The following NOX4 variants were observed in gnomAD, a reference collection of about 807,000 sequenced individuals.
The protein encoded by NOX4 is NADPH oxidase 4, also known as kidney oxidase-1.
NOX4 carries 69 observed loss-of-function variants against 87.6 expected under a neutral mutation model. The ratio of observed to expected loss-of-function variants is 0.79; its 90% confidence interval spans 0.65 to 0.96. The LOEUF is 0.96. Ranked by LOEUF, NOX4 falls within the 40% of genes least tolerant of loss-of-function variation. The probability of loss-of-function intolerance (pLI) is 0.00; values close to 1 mark genes in which losing one functional copy is unlikely to be tolerated. For missense variants in NOX4, 680 were observed against 681.5 expected, an observed-to-expected ratio of 1.00 and a Z score of 0.02; for synonymous variants, 275 against 238.2, an observed-to-expected ratio of 1.15 and a Z score of -1.42.
At chr11:89,400,175 G>C (rs1037200065) in intron 10 of NOX4, 40 bp downstream of exon 10, 1 of 1,598,102 alleles carries the variant, frequency 6.3e-7, no homozygotes, top group Non-Finnish European at 8.5e-7. Context: ...AATTACATAA[G>C]GATAAAGGCT....
chr11:89,433,886 A>C (rs910410200), intron 6 of NOX4, among the ~76,000 whole-genome samples: 1 of 152,090 alleles, frequency 6.6e-6, no homozygotes, highest in Non-Finnish European at 1.5e-5. Context: ...AATATCCTAA[A>C]CAGCTAAAGT....
At chr11:89,491,886 C>G (rs988933966), upstream of NOX4, among the ~76,000 whole-genome samples, 5 of 151,990 alleles carry the variant, frequency 3.3e-5, no homozygotes, top group African/African-American at 1.2e-4. Flanking sequence ...TTTCTCCCAC[C>G]CTTCCTCAGC....
the NOX4 span, chr11:89,545,864 T>C: frequency 1.3e-5 from 2 of 152,174 alleles, no homozygotes; most frequent in Non-Finnish European, 2.9e-5. Context: ...ACTTCGGAGT[T>C]TGACCCCACA....
chr11:89,354,748 G>C (rs1183167216), intron 13 of NOX4, among the ~76,000 whole-genome samples: 3 of 152,186 alleles, frequency 2.0e-5, no homozygotes, highest in African/African-American at 7.2e-5. Flanking sequence ...CTCAGTCAAA[G>C]CTGGGTTGCA....
intron 8 of NOX4, among the ~76,000 whole-genome samples, chr11:89,414,663 A>G (rs570781638): frequency 2.0e-5 from 3 of 149,944 alleles, no homozygotes; most frequent in Non-Finnish European, 3.0e-5. Flanking sequence ...ATTATATTAT[A>G]GAGTTATCAT....
chr11:89,397,969 G>C (rs10830268), intron 11 of NOX4, among the ~76,000 whole-genome samples: 14,330 of 151,824 alleles, frequency 0.094, 817 homozygotes, highest in South Asian at 0.19. Context: ...CATTTTATGA[G>C]GCCAGCACCA....
chr11:89,570,477 T>C, the NOX4 span, among the ~76,000 whole-genome samples: 84 of 152,252 alleles, frequency 5.5e-4, no homozygotes, highest in Non-Finnish European at 1.3e-4. Flanking sequence ...CAAACCTGTA[T>C]ATGTACCCCT....
At chr11:89,420,915 C>A (rs1443274656) in intron 8 of NOX4, among the ~76,000 whole-genome samples, 2 of 152,118 alleles carry the variant, frequency 1.3e-5, no homozygotes, top group Non-Finnish European at 2.9e-5. Context: ...ACAGTGTGTT[C>A]TTGATCCCAA....
chr11:89,452,075 C>A (rs184639800), intron 2 of NOX4, among the ~76,000 whole-genome samples, 180 bp from the exon 3 acceptor site: 108 of 152,332 alleles, frequency 7.1e-4, no homozygotes, highest in African/African-American at 2.1e-3. Flanking sequence ...TGAACGACTT[C>A]TTTCTGTTCT....
chr11:89,535,938 G>A, the NOX4 span, among the ~76,000 whole-genome samples: 1 of 151,988 alleles, frequency 6.6e-6, no homozygotes, highest in Non-Finnish European at 1.5e-5. Context: ...GAGTAAAAAG[G>A]AAATCCCACG....
chr11:89,329,564 T>A, intron 17 of NOX4, among the ~76,000 whole-genome samples: 1 of 150,400 alleles, frequency 6.6e-6, no homozygotes, highest in East Asian at 1.9e-4. Flanking sequence ...AATAAAATAC[T>A]AAAAACGAGT....
chr11:89,341,706 C>G (rs1946010728), intron 14 of NOX4, among the ~76,000 whole-genome samples: 1 of 152,046 alleles, frequency 6.6e-6, no homozygotes, highest in Non-Finnish European at 1.5e-5. Flanking sequence ...TGCTGTCTTC[C>G]CAATACCTGT....
intron 2 of NOX4, among the ~76,000 whole-genome samples, chr11:89,475,105 C>A (rs1946110441): frequency 6.6e-6 from 1 of 151,770 alleles, no homozygotes; most frequent in Non-Finnish European, 1.5e-5. Context: ...AGAGATAAAT[C>A]TAATGTGATA....
At chr11:89,540,104 G>A in the NOX4 span, among the ~76,000 whole-genome samples, 2 of 152,056 alleles carry the variant, frequency 1.3e-5, no homozygotes, top group Non-Finnish European at 2.9e-5. Context: ...CGTAATACCC[G>A]TGTCCTCATA....
chr11:89,438,802 T>TATTGTATTATACAC (rs1338848032), intron 6 of NOX4, among the ~76,000 whole-genome samples: 1 of 25,242 alleles, frequency 4.0e-5, no homozygotes, highest in Admixed American at 7.9e-4. Context: ...GTATAATATA[T>TATTGTATTATACAC]TATATATTAT....
the NOX4 span, among the ~76,000 whole-genome samples, chr11:89,586,041 T>A: frequency 6.6e-6 from 1 of 152,056 alleles, no homozygotes; most frequent in East Asian, 1.9e-4. Flanking sequence ...GTATTTTGGA[T>A]CATGTCATCA....
chr11:89,554,471 C>G, the NOX4 span, among the ~76,000 whole-genome samples: 2 of 151,950 alleles, frequency 1.3e-5, no homozygotes, highest in Non-Finnish European at 2.9e-5. Flanking sequence ...TGAAGATTCC[C>G]AGATATTCTG....
chr11:89,435,487 T>C lies in NOX4; in HGVS notation c.476-2631A>G, dbSNP rs543520399. Among the ~76,000 whole-genome samples the C allele has an allele frequency of 2.0e-5, 3 of 152,060 alleles. No homozygotes were observed. The South Asian group carries it at 6.2e-4, about 32-fold the overall frequency. On this transcript the variant is annotated intron_variant, in intron 6 of 17. Coordinates refer to ENST00000263317, the MANE Select transcript of NOX4 (RefSeq NM_016931.5). ...TAATTCCTTGAAATATTAGTTTCTA[T>C]TACTAAAAATACTATAACCATTCCT...
At chr11:89,376,674 A>G (rs1404622861) in intron 11 of NOX4, among the ~76,000 whole-genome samples, 1 of 152,118 alleles carries the variant, frequency 6.6e-6, no homozygotes, top group Non-Finnish European at 1.5e-5. Context: ...CAAGGTCATG[A>G]GTTCAAGACC....
Sources: allele counts gnomAD v4.1 joint callset (sites outside exome capture counted in the v4.1 genomes callset), GRCh38; gene constraint gnomAD v4.1.1; transcripts MANE v1.5; gene names NCBI Gene and HGNC (gene_info 2026-07-23, HGNC 2026-07-21).